ZNF415: variants seen among roughly 807,000 people sequenced by gnomAD.
The protein encoded by ZNF415 is zinc finger protein 415.
Under a neutral mutation model 7.3 loss-of-function variants are expected in ZNF415, and 5 were observed. The ratio of observed to expected loss-of-function variants is 0.69; its 90% CI spans 0.36 to 1.44. The LOEUF (loss-of-function observed/expected upper bound fraction) is 1.44, where lower values mean the gene tolerates loss of function less well. Ranked by LOEUF, ZNF415 falls within the 40% of genes most tolerant of loss-of-function variation. The pLI is 0.04. For missense variants in ZNF415, 628 were observed against 664.8 expected (o/e 0.94, Z 0.61); for synonymous variants, 207 against 226.3 (o/e 0.91, Z 0.77).
intron 2 of ZNF415, among the ~76,000 whole-genome samples, chr19:53,119,322 G>A (rs955695330): frequency 9.2e-5 from 14 of 151,446 alleles, no homozygotes; most frequent in Admixed American, 8.6e-4. Flanking sequence ...GTATGTGCCT[G>A]TAATCCCAGC....
At chr19:53,124,128 C>T (rs34146328) in intron 1 of ZNF415, 86,214 of 151,866 alleles carry the variant, frequency 0.57, 25,286 homozygotes, top group East Asian at 0.67. Flanking sequence ...TAATCCCAGC[C>T]ACTTGGTAGG....
At chr19:53,115,009 G>A (rs539989560) in intron 3 of ZNF415, among the ~76,000 whole-genome samples, 1 of 152,224 alleles carries the variant, frequency 6.6e-6, no homozygotes, top group Non-Finnish European at 1.5e-5. Context: ...TGATCTATAT[G>A]GAGAGCGAAC....
intron 2 of ZNF415, among the ~76,000 whole-genome samples, chr19:53,121,077 C>CAAAAA: frequency 2.5e-5 from 1 of 40,354 alleles, no homozygotes; most frequent in Non-Finnish European, 4.2e-5. Context: ...GAGGAAGACT[C>CAAAAA]AAAAAAAAAA....
chr19:53,123,086 G>A (rs984725172), intron 1 of ZNF415, among the ~76,000 whole-genome samples: 2 of 152,142 alleles, frequency 1.3e-5, no homozygotes, highest in Non-Finnish European at 2.9e-5. Context: ...AGAGGACACA[G>A]AGCCTTGGTG....
intron 1 of ZNF415, among the ~76,000 whole-genome samples, chr19:53,130,415 T>A (rs73601440): frequency 6.6e-6 from 1 of 151,620 alleles, no homozygotes; most frequent in Non-Finnish European, 1.5e-5. Context: ...GATTTTGAAA[T>A]TGTTAAGAAA....
chr19:53,122,639 A>G, intron 2 of ZNF415, 23 bp downstream of exon 2: 1 of 1,614,096 alleles, frequency 6.2e-7, no homozygotes, highest in Non-Finnish European at 8.5e-7. Flanking sequence ...AGACAGAATG[A>G]TCCACACAGA....
chr19:53,125,233 G>A (rs550333142), intron 1 of ZNF415, among the ~76,000 whole-genome samples: 8 of 151,844 alleles, frequency 5.3e-5, no homozygotes, highest in African/African-American at 1.2e-4. Flanking sequence ...TAGTAGAGAC[G>A]GGGTTTCACC....
chr19:53,111,863 T>G (rs1479134087), intron 3 of ZNF415, among the ~76,000 whole-genome samples: 1 of 152,194 alleles, frequency 6.6e-6, no homozygotes, highest in African/African-American at 2.4e-5. Flanking sequence ...CCCATGGTAT[T>G]CATGTATCTA....
intron 2 of ZNF415, among the ~76,000 whole-genome samples, chr19:53,117,094 C>A (rs1458622826): frequency 6.6e-6 from 1 of 152,026 alleles, no homozygotes; most frequent in African/African-American, 2.4e-5. Flanking sequence ...GAGATACAAT[C>A]CAAAAATGTC....
chr19:53,121,490 C>T (rs538410285), intron 2 of ZNF415, among the ~76,000 whole-genome samples: 4 of 151,918 alleles, frequency 2.6e-5, no homozygotes, highest in East Asian at 3.9e-4. Context: ...TGCAGTGGTG[C>T]GATCTCCACT....
At chr19:53,125,658 A>G (rs1275394081) in intron 1 of ZNF415, among the ~76,000 whole-genome samples, 1 of 151,320 alleles carries the variant, frequency 6.6e-6, no homozygotes, top group African/African-American at 2.4e-5. Flanking sequence ...TTAAAAATAA[A>G]CTGGAGCCAG....
chr19:53,117,544 G>T (rs1044941157), intron 2 of ZNF415, among the ~76,000 whole-genome samples: 1 of 151,340 alleles, frequency 6.6e-6, no homozygotes, highest in African/African-American at 2.4e-5. Flanking sequence ...TTTCTCAATA[G>T]AAACCTTACA....
chr19:53,114,211 C>CT (rs1409219878), intron 3 of ZNF415, among the ~76,000 whole-genome samples: 1 of 152,138 alleles, frequency 6.6e-6, no homozygotes, highest in Non-Finnish European at 1.5e-5. Flanking sequence ...GAGTCTCACT[C>CT]TGTTACTCAG....
In ZNF415 at chr19:53,116,527, G is replaced by C. The variant is rs1357333574; in HGVS notation, c.16-94C>G. 5.8e-5 allele frequency: 87 copies of C among 1,510,408 alleles called. No individual in the cohort carries two copies. In the East Asian group the frequency reaches 2.0e-3, roughly 34 times the overall value. 93.6% of individuals were successfully genotyped at this position (1,510,408 alleles called of 1,614,324 possible). On this transcript the variant is annotated intron_variant, in intron 2 of 3. Transcript: ENST00000243643. ...AAGAATAAAAGAGAATTTAAGTATA[G>C]ATTTAATTGAAGTGTGTGTTCTGAT...
At chr19:53,123,519 C>T (rs764304510) in intron 1 of ZNF415, 115 of 398,460 alleles carry the variant, frequency 2.9e-4, no homozygotes, top group Non-Finnish European at 4.6e-4. Context: ...GAGGGGCCAG[C>T]GAGTTCCAGC....
intron 1 of ZNF415, among the ~76,000 whole-genome samples, chr19:53,125,201 G>A (rs981171951): frequency 1.3e-5 from 2 of 151,864 alleles, no homozygotes; most frequent in African/African-American, 4.8e-5. Context: ...ATGCCACCAT[G>A]CCCGGCTAAT....
intron 1 of ZNF415, among the ~76,000 whole-genome samples, chr19:53,130,092 A>G (rs1412141015): frequency 6.6e-6 from 1 of 152,040 alleles, no homozygotes; most frequent in East Asian, 1.9e-4. Context: ...GAAAAGAAAA[A>G]AAGAAAATTC....
At chr19:53,118,920 G>T (rs1348712897) in intron 2 of ZNF415, among the ~76,000 whole-genome samples, 4 of 151,518 alleles carry the variant, frequency 2.6e-5, no homozygotes, top group Admixed American at 6.6e-5. Context: ...CAAGGTGGGT[G>T]GATCACCTGA....
rs530512081 is a variant in ZNF415, at chr19:53,120,008, C to T, written c.15+2654G>A. ...GATTCTCCTCAAACTAAAATTGAAA[C>T]GGAGGGAATTCTCCTTAACTCATTC... On this transcript the variant is annotated intron_variant, in intron 2 of 3. Coordinates refer to ENST00000243643, the MANE Select transcript of ZNF415 (RefSeq NM_018355.4). Among the ~76,000 whole-genome samples, 9 of 129,242 alleles carry T rather than the reference C, an allele frequency of 7.0e-5. No individual in the cohort carries two copies. The East Asian group carries it at 1.7e-3, about 24-fold the overall frequency. The allele number at this position is 129,242 out of a possible 152,430, so 84.8% of individuals were successfully genotyped here. A position where few individuals can be genotyped will look rare whatever the true frequency, so the allele number is the denominator to read the frequency against.
Sources: allele counts gnomAD v4.1 joint callset (sites outside exome capture counted in the v4.1 genomes callset), GRCh38; gene constraint gnomAD v4.1.1; transcripts MANE v1.5; gene names NCBI Gene and HGNC (gene_info 2026-07-23, HGNC 2026-07-21).